SPRED2: variants seen among roughly 807,000 people sequenced by gnomAD.
SPRED2 encodes the protein sprouty related EVH1 domain containing 2, also known as sprouty-related, EVH1 domain-containing protein 2.
In SPRED2, 47 loss-of-function variants were observed where a neutral mutation model predicts 43.0. That is an observed-to-expected ratio of 1.09 (90% confidence interval 0.87 to 1.40). The LOEUF is 1.40. Among genes scored for constraint, SPRED2 ranks in the 40% most tolerant of loss-of-function variants. SPRED2 has a pLI of 0.00. For missense variants in SPRED2, 561 were observed against 586.4 expected, an observed-to-expected ratio of 0.96 and a Z score of 0.45; for synonymous variants, 225 against 225.7, an observed-to-expected ratio of 1.00 and a Z score of 0.03.
At chr2:65,349,711 G>T (rs950011317) in intron 1 of SPRED2, among the ~76,000 whole-genome samples, 1 of 152,240 alleles carries the variant, frequency 6.6e-6, no homozygotes, top group African/African-American at 2.4e-5. Context: ...ATTTGTTAGA[G>T]AATTTAAAAA....
At chr2:65,415,059 T>C (rs1488792258) in intron 1 of SPRED2, among the ~76,000 whole-genome samples, 1 of 152,208 alleles carries the variant, frequency 6.6e-6, no homozygotes, top group East Asian at 1.9e-4. Context: ...ACTATTGGGA[T>C]TACAGGTGTG....
At chr2:65,317,542 ACAACAACAAC>A (rs1444164057) in intron 4 of SPRED2, among the ~76,000 whole-genome samples, 2 of 144,964 alleles carry the variant, frequency 1.4e-5, no homozygotes, top group Non-Finnish European at 3.0e-5. Context: ...AACAACAACA[ACAACAACAAC>A]AACAACAAAA....
intron 1 of SPRED2, chr2:65,366,559 A>C (rs754772885): frequency 6.5e-7 from 1 of 1,546,826 alleles, no homozygotes; most frequent in Non-Finnish European, 8.7e-7. Flanking sequence ...ACAATGAAAA[A>C]ATAAAGTTCA....
At chr2:65,395,593 A>G (rs1465323177) in intron 1 of SPRED2, among the ~76,000 whole-genome samples, 1 of 152,130 alleles carries the variant, frequency 6.6e-6, no homozygotes. Flanking sequence ...CATCTTGCAC[A>G]TCATATTCGA....
intron 4 of SPRED2, among the ~76,000 whole-genome samples, chr2:65,328,376 C>G (rs1673707726): frequency 6.6e-6 from 1 of 152,180 alleles, no homozygotes; most frequent in Non-Finnish European, 1.5e-5. Context: ...TAACGATTTC[C>G]TTTTCTTAAG....
intron 1 of SPRED2, among the ~76,000 whole-genome samples, chr2:65,384,954 A>T (rs1482849547): frequency 6.8e-6 from 1 of 147,032 alleles, no homozygotes; most frequent in Admixed American, 7.0e-5. Context: ...TGTTCACTAG[A>T]AATTTTGCTT....
At chr2:65,325,868 A>G (rs555829079) in intron 4 of SPRED2, among the ~76,000 whole-genome samples, 2 of 152,294 alleles carry the variant, frequency 1.3e-5, no homozygotes, top group East Asian at 1.9e-4. Context: ...CTGTAATCCC[A>G]GCTACTCAGG....
intron 1 of SPRED2, among the ~76,000 whole-genome samples, chr2:65,363,005 G>GTTTTTTTTTTT (rs113081105): frequency 7.4e-5 from 9 of 121,098 alleles, no homozygotes; most frequent in African/African-American, 1.9e-4. Flanking sequence ...ATCATGTTTT[G>GTTTTTTTTTTT]TTTTTTTTTT....
intron 1 of SPRED2, among the ~76,000 whole-genome samples, chr2:65,397,948 A>T (rs1340274144): frequency 1.3e-5 from 2 of 152,236 alleles, no homozygotes; most frequent in African/African-American, 4.8e-5. Flanking sequence ...CTAAGCAAAA[A>T]GAACAAATCT....
intron 5 of SPRED2, among the ~76,000 whole-genome samples, chr2:65,314,488 T>C (rs1340214686): frequency 1.3e-5 from 2 of 152,108 alleles, no homozygotes; most frequent in East Asian, 3.9e-4. Context: ...AAGGGCACAG[T>C]GTGATGCGTT....
chr2:65,393,574 A>G (rs1383268475), intron 1 of SPRED2, among the ~76,000 whole-genome samples: 1 of 151,632 alleles, frequency 6.6e-6, no homozygotes, highest in Non-Finnish European at 1.5e-5. Flanking sequence ...ACCTCAAATG[A>G]TCCGCCCGCC....
At chr2:65,430,987 C>G (rs1222031474) in intron 1 of SPRED2, among the ~76,000 whole-genome samples, 1 of 152,134 alleles carries the variant, frequency 6.6e-6, no homozygotes, top group African/African-American at 2.4e-5. Flanking sequence ...GCCCCGCCCC[C>G]GTCGCACCCG....
chr2:65,312,978 C>T lies in SPRED2; in HGVS notation c.*523G>A. 2 of 985,822 alleles carry T rather than the reference C, an allele frequency of 2.0e-6. No individual in the cohort carries two copies. The highest frequency in any genetic ancestry group is 2.4e-6 in the Non-Finnish European group (2 of 830,144). 61.1% of individuals were successfully genotyped at this position (985,822 alleles called of 1,614,324 possible). Reference sequence around the variant, plus strand: ...ACCTCCTATACATAATAACTGACTGCAGGCTGAGATACTTCTGTCGGGTTT... The same window carrying T: ...ACCTCCTATACATAATAACTGACTGTAGGCTGAGATACTTCTGTCGGGTTT... On this transcript the variant is annotated 3_prime_UTR_variant, in exon 6 of 6. Transcript: ENST00000356388.
chr2:65,330,025 C>T (rs1029659000), intron 4 of SPRED2, among the ~76,000 whole-genome samples: 1 of 152,206 alleles, frequency 6.6e-6, no homozygotes, highest in African/African-American at 2.4e-5. Flanking sequence ...CCTTCTTGAA[C>T]CCCGTTCAAA....
chr2:65,393,326 C>CTTTTTTTTTTTT (rs55696467), intron 1 of SPRED2, among the ~76,000 whole-genome samples: 1 of 141,692 alleles, frequency 7.1e-6, no homozygotes. Context: ...AATCATAAGG[C>CTTTTTTTTTTTT]TTTTTTTTTT....
chr2:65,377,686 G>A (rs1286467087), intron 1 of SPRED2: 2 of 471,140 alleles, frequency 4.2e-6, no homozygotes, highest in Non-Finnish European at 8.8e-6. Flanking sequence ...AGAGCCATCT[G>A]CACACCAAGG....
chr2:65,313,276 G>A lies in SPRED2; in HGVS notation c.*225C>T. On this transcript the variant is annotated 3_prime_UTR_variant, in exon 6 of 6. Coordinates refer to ENST00000356388, the MANE Select transcript of SPRED2 (RefSeq NM_181784.3). ...GTTCCTTCCTCAGAACACTGTGCGAGCGTGTGTGTATGGATGTGGCTGCTG... is the reference window on the plus strand; with the variant it reads ...GTTCCTTCCTCAGAACACTGTGCGAACGTGTGTGTATGGATGTGGCTGCTG... The A allele has an allele frequency of 7.2e-7, 1 of 1,390,446 alleles. No homozygotes were observed. Among genetic ancestry groups the A allele is most frequent in the East Asian group, 2.7e-5 (1 of 37,318 alleles). 86.1% of individuals were successfully genotyped at this position (1,390,446 alleles called of 1,614,324 possible). A position where few individuals can be genotyped will look rare whatever the true frequency, so the allele number is the denominator to read the frequency against.
At chr2:65,395,601 C>G (rs1675740907) in intron 1 of SPRED2, among the ~76,000 whole-genome samples, 1 of 152,168 alleles carries the variant, frequency 6.6e-6, no homozygotes, top group Non-Finnish European at 1.5e-5. Flanking sequence ...ACATCATATT[C>G]GATCCACTTC....
At chr2:65,430,526 T>G (rs887741667) in intron 1 of SPRED2, among the ~76,000 whole-genome samples, 7 of 152,210 alleles carry the variant, frequency 4.6e-5, no homozygotes, top group African/African-American at 1.7e-4. Context: ...GGCACAGCAC[T>G]GTCACCTGCT....
Sources: gnomAD v4.1 joint callset for allele counts (sites outside exome capture counted in the v4.1 genomes callset) on GRCh38, gnomAD v4.1.1 for gene constraint, MANE v1.5 for transcripts, NCBI Gene and HGNC (gene_info 2026-07-23, HGNC 2026-07-21) for gene names.